Variants in OR51B5 observed in about 807,000 individuals in gnomAD.
The protein encoded by OR51B5 is olfactory receptor family 51 subfamily B member 5.
For missense variants in OR51B5, 456 were observed against 374.6 expected, an observed-to-expected ratio of 1.22 and a Z score of -1.79; for synonymous variants, 186 against 144.8, an observed-to-expected ratio of 1.28 and a Z score of -2.04.
At chr11:5,404,340 G>C (rs1489102013) in intron 1 of OR51B5, among the ~76,000 whole-genome samples, 3 of 152,132 alleles carry the variant, frequency 2.0e-5, no homozygotes, top group African/African-American at 4.8e-5. Context: ...CTAAAGGGTT[G>C]TAAATGCACC....
intron 1 of OR51B5, among the ~76,000 whole-genome samples, chr11:5,452,859 T>C (rs1850878028): frequency 6.6e-6 from 1 of 152,226 alleles, no homozygotes; most frequent in Admixed American, 6.5e-5. Flanking sequence ...CACAAAAATA[T>C]GTTATTTCTG....
intron 1 of OR51B5, among the ~76,000 whole-genome samples, chr11:5,414,528 C>G (rs1191543689): frequency 6.6e-6 from 1 of 151,872 alleles, no homozygotes; most frequent in Non-Finnish European, 1.5e-5. Flanking sequence ...GTGTTGTATT[C>G]AGGAAACCCA....
intron 1 of OR51B5, chr11:5,403,303 GGAA>G (rs765878135): frequency 4.2e-6 from 2 of 471,650 alleles, no homozygotes; most frequent in African/African-American, 2.0e-5. Context: ...GGAGAAGGGA[GGAA>G]GAAGGCACTC....
chr11:5,504,908 C>T (rs1590034398), intron 1 of OR51B5, among the ~76,000 whole-genome samples: 1 of 152,150 alleles, frequency 6.6e-6, no homozygotes, highest in Non-Finnish European at 1.5e-5. Flanking sequence ...ATTCCAAGCA[C>T]CCAGTCAATT....
At chr11:5,447,389 C>T (rs1051157830) in intron 1 of OR51B5, among the ~76,000 whole-genome samples, 4 of 152,188 alleles carry the variant, frequency 2.6e-5, no homozygotes, top group Non-Finnish European at 5.9e-5. Flanking sequence ...GTTGGGCTCA[C>T]TTTGGCTGTA....
chr11:5,399,560 C>T lies in OR51B5; in HGVS notation n.85-52650G>A, dbSNP rs76480292. On this transcript the variant is annotated intron_variant and non_coding_transcript_variant, in intron 1 of 4. Coordinates refer to the OR51B5 transcript ENST00000415970. ...CTCCAGGGGTACAGTCATCACTGTC[C>T]CACATTCTACTTTTTTTCTGATTTG... is the stretch of plus-strand genomic sequence containing the variant. Among the ~76,000 whole-genome samples, 10 of 152,176 alleles carry T rather than the reference C, an allele frequency of 6.6e-5. No homozygotes were observed. In the East Asian group the frequency reaches 1.9e-3, roughly 29 times the overall value.
intron 1 of OR51B5, among the ~76,000 whole-genome samples, chr11:5,444,803 A>C (rs1226409027): frequency 3.3e-5 from 5 of 152,146 alleles, no homozygotes; most frequent in African/African-American, 4.8e-5. Flanking sequence ...GTTGGGCCAT[A>C]AGAGAATTGC....
At chr11:5,343,463 G>C in exon 1 of OR51B5, 1 of 1,565,088 alleles carries the variant, frequency 6.4e-7, no homozygotes, top group Non-Finnish European at 8.8e-7. Context: ...CCAGTGATGA[G>C]CTTCCTCCAA....
At position 5,486,908 on chromosome 11, in the gene OR51B5, CA is replaced by C. The variant is rs756073284; in HGVS notation, n.84+18660del. Among the ~76,000 whole-genome samples the C allele has an allele frequency of 3.7e-3, 536 of 144,184 alleles. 4 individuals are homozygous for C. Among genetic ancestry groups the C allele is most frequent in the African/African-American group, 0.012 (486 of 39,542 alleles). 94.6% of individuals were successfully genotyped at this position (144,184 alleles called of 152,430 possible). The stretch of plus-strand genomic sequence containing the variant: ...ATCAATAAGATGCCTCCTGTTCTTA[CA>C]AAAAAAAAAATCTCAATGCAAATAA... On this transcript the variant is annotated intron_variant and non_coding_transcript_variant, in intron 1 of 4. Transcript: ENST00000415970.
At position 5,374,880 on chromosome 11, in the gene OR51B5, G is replaced by C. The variant is rs914229168; in HGVS notation, n.85-27970C>G. Among the ~76,000 whole-genome samples, 21 of 152,130 alleles carry C rather than the reference G, an allele frequency of 1.4e-4. No homozygotes were observed. In the East Asian group the frequency reaches 1.5e-3, roughly 11 times the overall value. The stretch of plus-strand genomic sequence containing the variant: ...GATTGGTGTACCTGAAAGTGACGGG[G>C]AGAATCGAACCAAGTTGGAAAACAC... On this transcript the variant is annotated intron_variant and non_coding_transcript_variant, in intron 1 of 4. Transcript: ENST00000415970.
At chr11:5,353,345 A>C (rs760352608) in intron 1 of OR51B5, among the ~76,000 whole-genome samples, 1 of 152,170 alleles carries the variant, frequency 6.6e-6, no homozygotes, top group Non-Finnish European at 1.5e-5. Context: ...TTACTACTGA[A>C]CAGAGAGATG....
At chr11:5,494,615 C>T (rs1250330708) in intron 1 of OR51B5, among the ~76,000 whole-genome samples, 1 of 152,182 alleles carries the variant, frequency 6.6e-6, no homozygotes, top group African/African-American at 2.4e-5. Flanking sequence ...TCTGGACTTT[C>T]TGGAGTGAAA....
At chr11:5,489,875 A>G (rs1356007057) in intron 1 of OR51B5, 4 of 534,594 alleles carry the variant, frequency 7.5e-6, no homozygotes, top group Admixed American at 6.9e-5. Context: ...AATACCCCAG[A>G]AAGGTGATAA....
intron 1 of OR51B5, among the ~76,000 whole-genome samples, chr11:5,414,060 G>T (rs1850193976): frequency 6.6e-6 from 1 of 151,016 alleles, no homozygotes; most frequent in Non-Finnish European, 1.5e-5. Flanking sequence ...TCAAAGGGAA[G>T]CCCATCAAAC....
At chr11:5,460,278 T>A (rs1851028561) in intron 1 of OR51B5, among the ~76,000 whole-genome samples, 1 of 152,096 alleles carries the variant, frequency 6.6e-6, no homozygotes, top group Non-Finnish European at 1.5e-5. Context: ...TCAAAAAGAA[T>A]TAACTATTGG....
intron 1 of OR51B5, chr11:5,351,725 T>A (rs767883112): frequency 6.2e-7 from 1 of 1,614,072 alleles, no homozygotes; most frequent in Non-Finnish European, 8.5e-7. Context: ...GGAGTGACAT[T>A]GACCACAATG....
At chr11:5,412,361 G>A (rs1336276364) in intron 1 of OR51B5, among the ~76,000 whole-genome samples, 10 of 152,182 alleles carry the variant, frequency 6.6e-5, no homozygotes, top group Non-Finnish European at 1.0e-4. Flanking sequence ...CAGCGTGAGC[G>A]ATGCAGAAGA....
intron 1 of OR51B5, among the ~76,000 whole-genome samples, chr11:5,443,277 G>A (rs966407217): frequency 6.6e-6 from 1 of 152,080 alleles, no homozygotes; most frequent in Non-Finnish European, 1.5e-5. Flanking sequence ...TGGTGACAAG[G>A]TGCTGGATCA....
chr11:5,377,159 T>C (rs1262437973), intron 1 of OR51B5, among the ~76,000 whole-genome samples: 2 of 151,928 alleles, frequency 1.3e-5, no homozygotes, highest in Non-Finnish European at 2.9e-5. Flanking sequence ...GTTCAATATA[T>C]GCAAATCAAT....
Sources: gnomAD v4.1 joint callset for allele counts (sites outside exome capture counted in the v4.1 genomes callset) on GRCh38, gnomAD v4.1.1 for gene constraint, MANE v1.5 for transcripts, NCBI Gene and HGNC (gene_info 2026-07-23, HGNC 2026-07-21) for gene names.